LRP1B: variants seen among roughly 807,000 people sequenced by gnomAD.
LRP1B encodes LDL receptor related protein 1B.
A neutral mutation model predicts 556.6 loss-of-function variants in LRP1B; 217 were observed. The ratio of observed to expected loss-of-function variants is 0.39; its 90% confidence interval spans 0.35 to 0.44. The LOEUF (loss-of-function observed/expected upper bound fraction) is 0.44. Ranked by LOEUF, LRP1B falls within the 20% of genes least tolerant of loss-of-function variation. The probability of loss-of-function intolerance (pLI) is 1.00; values close to 1 mark genes in which losing one functional copy is unlikely to be tolerated. For missense variants in LRP1B, 5,053 were observed against 5,620.8 expected (o/e 0.90, Z 3.23); for synonymous variants, 2,047 against 1,865.8 (o/e 1.10, Z -2.50).
At chr2:141,348,860 T>A (rs1287905876) in intron 3 of LRP1B, among the ~76,000 whole-genome samples, 3 of 152,148 alleles carry the variant, frequency 2.0e-5, no homozygotes, top group African/African-American at 7.2e-5. Flanking sequence ...CCCATGCTCT[T>A]CTCATGATAG....
intron 8 of LRP1B, among the ~76,000 whole-genome samples, chr2:141,061,539 C>T (rs981360181): frequency 8.6e-5 from 13 of 151,736 alleles, no homozygotes; most frequent in African/African-American, 2.9e-4. Context: ...TTTTGACCTC[C>T]GTGACTTTCA....
chr2:140,674,745 T>A (rs138385117), intron 41 of LRP1B, among the ~76,000 whole-genome samples: 1 of 152,348 alleles, frequency 6.6e-6, no homozygotes, highest in Admixed American at 6.5e-5. Flanking sequence ...TGGTCACTCA[T>A]GTTTGGCTCA....
At chr2:141,415,271 C>T (rs1691051188) in intron 3 of LRP1B, among the ~76,000 whole-genome samples, 1 of 152,178 alleles carries the variant, frequency 6.6e-6, no homozygotes, top group South Asian at 2.1e-4. Context: ...CCTCGGCCTC[C>T]CAAAGTGCTG....
At chr2:142,037,808 T>G (rs1201181897) in intron 1 of LRP1B, among the ~76,000 whole-genome samples, 1 of 151,118 alleles carries the variant, frequency 6.6e-6, no homozygotes, top group Admixed American at 6.6e-5. Context: ...AAACATTTTT[T>G]TTAAGAGCTG....
At chr2:140,849,161 C>A (rs1004390666) in intron 29 of LRP1B, among the ~76,000 whole-genome samples, 2 of 142,184 alleles carry the variant, frequency 1.4e-5, no homozygotes, top group African/African-American at 5.4e-5. Flanking sequence ...TCAAGACTAG[C>A]CTGGCCAAGA....
At chr2:140,512,492 T>A (rs1281649340) in intron 51 of LRP1B, among the ~76,000 whole-genome samples, 1 of 152,168 alleles carries the variant, frequency 6.6e-6, no homozygotes, top group Non-Finnish European at 1.5e-5. Context: ...CCAACTCGGA[T>A]AATAATATTT....
intron 1 of LRP1B, among the ~76,000 whole-genome samples, chr2:141,860,687 TA>T (rs1185892856): frequency 6.6e-6 from 1 of 152,078 alleles, no homozygotes; most frequent in Non-Finnish European, 1.5e-5. Context: ...GAAATATAAA[TA>T]AAAATAATGA....
Position 140,475,209 on chromosome 2 carries a change from T to C in LRP1B, c.9554A>G (p.Asn3185Ser), listed in dbSNP as rs141039706. The change falls in exon 60 of 91, where the codon AAT becomes AGT. Residue 3185 changes from asparagine (N) to serine (S), a missense_variant. Physicochemically the swap from Asn to Ser is conservative, Grantham distance 46. Around this residue, in one of 5 missense-constraint regions of LRP1B, gnomAD observed 3,619 missense variants for 3,931.9 expected, o/e 0.92. Transcript: ENST00000389484. ...TTCATCGGCCCAGTAGAGTCTACGA[T>C]TAACATAATCTATTGTTAGTGCCAT... is the stretch of plus-strand genomic sequence containing the variant. ...RPMALTIDYV[N>S]RRLYWADENH... is the part of the protein sequence containing the mutation. 74 of 1,611,872 alleles carry C rather than the reference T, an allele frequency of 4.6e-5. No homozygotes were observed. In the African/African-American group the frequency reaches 7.5e-4, roughly 16 times the overall value.
At chr2:140,541,147 C>T in intron 44 of LRP1B, 49 bp from the exon 45 acceptor site, 1 of 1,460,250 alleles carries the variant, frequency 6.8e-7, no homozygotes, top group Non-Finnish European at 9.5e-7. Flanking sequence ...AATTCCTGTT[C>T]TATGTTAGAT....
intron 1 of LRP1B, among the ~76,000 whole-genome samples, chr2:141,859,421 A>T (rs1698169588): frequency 6.6e-6 from 1 of 152,168 alleles, no homozygotes; most frequent in South Asian, 2.1e-4. Context: ...TTACATTTAA[A>T]CAGATTTCAG....
chr2:141,971,485 G>A (rs1701731017), intron 1 of LRP1B, among the ~76,000 whole-genome samples: 1 of 151,372 alleles, frequency 6.6e-6, no homozygotes. Context: ...CTAATGTGTA[G>A]GTGACCTGCT....
At chr2:141,037,063 A>G (rs1012699903) in intron 11 of LRP1B, among the ~76,000 whole-genome samples, 33 of 152,020 alleles carry the variant, frequency 2.2e-4, no homozygotes, top group African/African-American at 8.0e-4. Context: ...CCACTTAGTA[A>G]CAGGTCACAG....
intron 31 of LRP1B, among the ~76,000 whole-genome samples, chr2:140,825,670 AT>A (rs1359304412): frequency 2.0e-5 from 3 of 152,180 alleles, no homozygotes; most frequent in African/African-American, 7.2e-5. Flanking sequence ...ATTTTGATGA[AT>A]TTAGATTTTA....
At chr2:140,309,180 G>A (rs1684190287) in intron 83 of LRP1B, among the ~76,000 whole-genome samples, 1 of 151,750 alleles carries the variant, frequency 6.6e-6, no homozygotes, top group African/African-American at 2.4e-5. Context: ...TAGCTGTCAG[G>A]TTTTCTTAAG....
At position 140,495,758 on chromosome 2, in the gene LRP1B, G is replaced by T; in HGVS notation, c.8851-10C>A. On this transcript the variant is annotated splice_polypyrimidine_tract_variant and intron_variant, in intron 55 of 90. Coordinates refer to ENST00000389484, the MANE Select transcript of LRP1B (RefSeq NM_018557.3). The stretch of plus-strand genomic sequence containing the variant: ...CAGGCCAGCATTTGCACTGGGAAAA[G>T]AAAAATGAGCATAATCAATTCATAT... The T allele has an allele frequency of 6.3e-7, 1 of 1,594,338 alleles. No homozygotes were observed. Among genetic ancestry groups the T allele is most frequent in the Non-Finnish European group, 8.6e-7 (1 of 1,164,522 alleles).
At chr2:140,574,151 A>G (rs1005891130) in intron 43 of LRP1B, among the ~76,000 whole-genome samples, 17 of 152,248 alleles carry the variant, frequency 1.1e-4, no homozygotes, top group African/African-American at 3.8e-4. Flanking sequence ...GGAAAAATCA[A>G]GAACATTCAA....
At chr2:140,363,085 A>C (rs1032057717) in intron 72 of LRP1B, among the ~76,000 whole-genome samples, 32 of 151,654 alleles carry the variant, frequency 2.1e-4, no homozygotes, top group African/African-American at 7.7e-4. Context: ...GAGTTCATTG[A>C]ATCTCTCTGT....
chr2:141,307,585 C>T (rs182248532), intron 3 of LRP1B, among the ~76,000 whole-genome samples: 1 of 152,014 alleles, frequency 6.6e-6, no homozygotes, highest in East Asian at 1.9e-4. Context: ...TATTTCTTTT[C>T]AGTGGAAAGT....
At chr2:140,675,513 T>A (rs908685861) in intron 41 of LRP1B, among the ~76,000 whole-genome samples, 4 of 152,252 alleles carry the variant, frequency 2.6e-5, no homozygotes, top group Admixed American at 2.6e-4. Flanking sequence ...TTCATACTGT[T>A]CTTAATGTGC....
Sources: allele counts gnomAD v4.1 joint callset (sites outside exome capture counted in the v4.1 genomes callset), GRCh38; gene constraint gnomAD v4.1.1; regional missense constraint gnomAD v4.1.1; transcripts MANE v1.5; gene names NCBI Gene and HGNC (gene_info 2026-07-23, HGNC 2026-07-21).